Variants in DIAPH3 observed in about 807,000 individuals in gnomAD.
DIAPH3 encodes diaphanous related formin 3.
Under a neutral mutation model 144.3 loss-of-function variants are expected in DIAPH3, and 117 were observed. The ratio of observed to expected loss-of-function variants is 0.81; its 90% CI spans 0.70 to 0.95. DIAPH3 has a LOEUF of 0.95. DIAPH3 is among the 40% of genes least tolerant of loss of function. The probability of loss-of-function intolerance (pLI) is 0.00; values close to 1 mark genes in which losing one functional copy is unlikely to be tolerated. For synonymous variants in DIAPH3, 519 were observed against 488.9 expected (o/e 1.06, Z -0.81); for missense variants, 1,421 against 1,412.7 (o/e 1.01, Z -0.09).
chr13:59,764,948 ACAT>A (rs1296460899), intron 27 of DIAPH3, among the ~76,000 whole-genome samples: 1 of 152,054 alleles, frequency 6.6e-6, no homozygotes, highest in East Asian at 1.9e-4. Flanking sequence ...CTTTCCACTC[ACAT>A]CATCGTTTTC....
At chr13:59,778,920 T>C (rs1453141820) in intron 25 of DIAPH3, among the ~76,000 whole-genome samples, 2 of 152,204 alleles carry the variant, frequency 1.3e-5, no homozygotes. Flanking sequence ...CTTTTTTTCA[T>C]TTTTATTTTT....
At chr13:59,785,390 T>C (rs1249046629) in intron 25 of DIAPH3, among the ~76,000 whole-genome samples, 1 of 152,150 alleles carries the variant, frequency 6.6e-6, no homozygotes, top group Admixed American at 6.6e-5. Context: ...AGAGCAAAGT[T>C]AAAGAGTGAA....
intron 3 of DIAPH3, among the ~76,000 whole-genome samples, chr13:60,100,786 AAAG>A (rs1016226559): frequency 1.3e-5 from 2 of 152,076 alleles, no homozygotes; most frequent in Non-Finnish European, 2.9e-5. Flanking sequence ...TTAAAAAAAA[AAAG>A]AAGTTTTTTT....
intron 25 of DIAPH3, among the ~76,000 whole-genome samples, chr13:59,781,006 G>A (rs2038707342): frequency 1.3e-5 from 2 of 152,098 alleles, no homozygotes; most frequent in African/African-American, 2.4e-5. Flanking sequence ...GTGGCATCTT[G>A]GAAACCACCT....
At position 59,911,851 on chromosome 13, in the gene DIAPH3, CAGAA is replaced by C. The variant is rs2047010586; in HGVS notation, c.2266-19_2266-16del. ...TTTATTAAGTTCTAAAAATTAAAACCAGAAAGAAAGATCTTCACTAAATGTACTT... is the reference window on the plus strand; with the variant it reads ...TTTATTAAGTTCTAAAAATTAAAACCAGAAAGATCTTCACTAAATGTACTT... On this transcript the variant is annotated splice_polypyrimidine_tract_variant and intron_variant, in intron 19 of 27. Transcript: ENST00000400324. 2 of 1,553,972 alleles carry C rather than the reference CAGAA, an allele frequency of 1.3e-6. No individual in the cohort carries two copies. Among genetic ancestry groups the C allele is most frequent in the African/African-American group, 2.7e-5 (2 of 73,746 alleles).
At chr13:59,725,390 C>T (rs7338340) in intron 27 of DIAPH3, among the ~76,000 whole-genome samples, 1 of 152,160 alleles carries the variant, frequency 6.6e-6, no homozygotes, top group Admixed American at 6.6e-5. Flanking sequence ...AAGGTCCAGA[C>T]TGGCATGAAT....
At position 60,091,292 on chromosome 13, in the gene DIAPH3, G is replaced by A. The variant is rs979138181; in HGVS notation, c.495+2336C>T. Among the ~76,000 whole-genome samples the A allele has an allele frequency of 2.0e-5, 3 of 152,096 alleles. No individual in the cohort carries two copies. The East Asian group carries it at 5.8e-4, about 29-fold the overall frequency. On this transcript the variant is annotated intron_variant, in intron 4 of 27. Transcript: ENST00000400324. Reference sequence around the variant, plus strand: ...ATGTACATCCAGTGCTGCTTCACAGGACACAGTGATAGACTATCGTCACAC... The same window carrying A: ...ATGTACATCCAGTGCTGCTTCACAGAACACAGTGATAGACTATCGTCACAC...
chr13:59,746,754 T>G (rs1337163192), intron 27 of DIAPH3, among the ~76,000 whole-genome samples: 4 of 152,212 alleles, frequency 2.6e-5, no homozygotes, highest in Non-Finnish European at 5.9e-5. Flanking sequence ...TTCATAAAAG[T>G]ATTTTTTACA....
chr13:60,028,167 T>C (rs193149618), intron 5 of DIAPH3, among the ~76,000 whole-genome samples: 46 of 152,320 alleles, frequency 3.0e-4, no homozygotes, highest in African/African-American at 8.9e-4. Flanking sequence ...TTCCATTCAC[T>C]TGACCTCAGA....
intron 27 of DIAPH3, among the ~76,000 whole-genome samples, chr13:59,741,443 C>G (rs1051425719): frequency 1.3e-5 from 2 of 151,908 alleles, no homozygotes; most frequent in African/African-American, 2.4e-5. Flanking sequence ...GAAGACAAAA[C>G]TGTAAGTATT....
At chr13:59,855,838 A>T (rs1251656567) in intron 22 of DIAPH3, among the ~76,000 whole-genome samples, 2 of 152,034 alleles carry the variant, frequency 1.3e-5, no homozygotes, top group African/African-American at 4.8e-5. Flanking sequence ...GCTTATATGA[A>T]AATTACAACT....
Position 60,136,897 on chromosome 13 carries a change from G to A in DIAPH3, c.181-3908C>T, listed in dbSNP as rs570314777. On this transcript the variant is annotated intron_variant, in intron 1 of 27. Coordinates refer to ENST00000400324, the MANE Select transcript of DIAPH3 (RefSeq NM_001042517.2). ...GGAGCTTGCAGTGAGCCGAGATTGT[G>A]CCACTGCACTCCAGCCTGGGCGACA... 5.3e-5 allele frequency among the ~76,000 whole-genome samples: 8 copies of A among 151,874 alleles called. No homozygotes were observed. The East Asian group carries it at 1.2e-3, about 22-fold the overall frequency.
intron 25 of DIAPH3, among the ~76,000 whole-genome samples, chr13:59,797,787 C>T (rs2039689727): frequency 6.6e-6 from 1 of 152,056 alleles, no homozygotes; most frequent in Non-Finnish European, 1.5e-5. Context: ...AGGAAAGGGC[C>T]ACCTCCAGCT....
chr13:59,904,724 G>T (rs904435728), intron 20 of DIAPH3, among the ~76,000 whole-genome samples: 1 of 152,030 alleles, frequency 6.6e-6, no homozygotes. Flanking sequence ...AAACTTCAAA[G>T]ATGCAAGATA....
At chr13:59,747,868 A>G (rs987654601) in intron 27 of DIAPH3, among the ~76,000 whole-genome samples, 9 of 152,172 alleles carry the variant, frequency 5.9e-5, no homozygotes, top group Non-Finnish European at 1.3e-4. Flanking sequence ...CCTAGGTAAT[A>G]GTTCTTATAA....
At chr13:59,833,055 A>G in intron 24 of DIAPH3, 52 bp downstream of exon 24, 1 of 1,338,430 alleles carries the variant, frequency 7.5e-7, no homozygotes, top group Non-Finnish European at 1.0e-6. Context: ...GAGATAATAG[A>G]TAAGATAGTA....
chr13:60,126,616 C>T (rs989967114), intron 2 of DIAPH3, among the ~76,000 whole-genome samples: 6 of 152,056 alleles, frequency 3.9e-5, no homozygotes, highest in Non-Finnish European at 8.8e-5. Context: ...AGAATATACA[C>T]GAATACTGAC....
At chr13:59,977,793 G>C (rs2050761225) in intron 14 of DIAPH3, among the ~76,000 whole-genome samples, 1 of 151,794 alleles carries the variant, frequency 6.6e-6, no homozygotes, top group Non-Finnish European at 1.5e-5. Context: ...TAGAAAAAAA[G>C]TGTTGTTATT....
chr13:60,108,707 T>A (rs905396318), intron 3 of DIAPH3, among the ~76,000 whole-genome samples: 1 of 151,662 alleles, frequency 6.6e-6, no homozygotes, highest in Non-Finnish European at 1.5e-5. Flanking sequence ...AGATAAGAGG[T>A]CATGAAAGCT....
Sources: gnomAD v4.1 joint callset for allele counts (sites outside exome capture counted in the v4.1 genomes callset) on GRCh38, gnomAD v4.1.1 for gene constraint, MANE v1.5 for transcripts, NCBI Gene and HGNC (gene_info 2026-07-23, HGNC 2026-07-21) for gene names.